NRG2: variants seen among roughly 807,000 people sequenced by gnomAD.
NRG2 encodes the protein neuregulin 2, also known as pro-neuregulin-2, membrane-bound isoform.
Under a neutral mutation model 73.9 loss-of-function variants are expected in NRG2, and 27 were observed. The ratio of observed to expected loss-of-function variants is 0.37; its 90% CI spans 0.27 to 0.50. NRG2 has a LOEUF of 0.50. Ranked by LOEUF, NRG2 falls within the 20% of genes least tolerant of loss-of-function variation. The probability of loss-of-function intolerance (pLI) is 0.96; values close to 1 mark genes in which losing one functional copy is unlikely to be tolerated. For synonymous variants in NRG2, 532 were observed against 541.0 expected, an observed-to-expected ratio of 0.98 and a Z score of 0.23; for missense variants, 1,126 against 1,210.1, an observed-to-expected ratio of 0.93 and a Z score of 1.03.
chr5:139,890,399 CAGTTA>C (rs1764130515), intron 1 of NRG2, among the ~76,000 whole-genome samples: 1 of 151,812 alleles, frequency 6.6e-6, no homozygotes, highest in South Asian at 2.1e-4. Context: ...TTTTTCCCCT[CAGTTA>C]CCTGCTTTTT....
chr5:140,035,111 C>T (rs1353994087), intron 1 of NRG2, among the ~76,000 whole-genome samples: 1 of 152,006 alleles, frequency 6.6e-6, no homozygotes, highest in Non-Finnish European at 1.5e-5. Context: ...TCCTCATTTT[C>T]ATTCCCCTTT....
chr5:139,971,809 C>T (rs889912108), intron 1 of NRG2, among the ~76,000 whole-genome samples: 1 of 152,090 alleles, frequency 6.6e-6, no homozygotes, highest in Non-Finnish European at 1.5e-5. Context: ...AAATGTAGTA[C>T]TTTACAACAT....
At chr5:139,921,788 G>A (rs575563693) in intron 1 of NRG2, among the ~76,000 whole-genome samples, 11 of 152,246 alleles carry the variant, frequency 7.2e-5, no homozygotes, top group East Asian at 5.8e-4. Flanking sequence ...TTGGCCAGGC[G>A]TGGTGGCTCA....
intron 6 of NRG2, among the ~76,000 whole-genome samples, chr5:139,855,449 C>G (rs1761744804): frequency 6.6e-6 from 1 of 152,228 alleles, no homozygotes; most frequent in Non-Finnish European, 1.5e-5. Flanking sequence ...CACAACCATT[C>G]TTCGTCAGTG....
intron 1 of NRG2, among the ~76,000 whole-genome samples, chr5:140,015,012 T>A (rs1580948599): frequency 6.6e-6 from 1 of 152,278 alleles, no homozygotes; most frequent in African/African-American, 2.4e-5. Context: ...TGCCTGAAAT[T>A]CCTTTCACCA....
chr5:139,985,033 A>G (rs1353209373), intron 1 of NRG2, among the ~76,000 whole-genome samples: 1 of 152,232 alleles, frequency 6.6e-6, no homozygotes, highest in African/African-American at 2.4e-5. Flanking sequence ...AGCAGACTTC[A>G]GAGTAGGGGA....
At chr5:139,881,567 C>T (rs963165553) in intron 2 of NRG2, among the ~76,000 whole-genome samples, 5 of 152,206 alleles carry the variant, frequency 3.3e-5, no homozygotes, top group African/African-American at 9.7e-5. Context: ...GTTTACTGAG[C>T]ACTTCCTGTG....
At chr5:139,935,686 G>A (rs753656260) in intron 1 of NRG2, among the ~76,000 whole-genome samples, 14 of 152,114 alleles carry the variant, frequency 9.2e-5, no homozygotes, top group Non-Finnish European at 2.1e-4. Context: ...AAGGCTGGGT[G>A]TGGTGGTTCA....
intron 3 of NRG2, 97 bp downstream of exon 3, chr5:139,880,759 G>T: frequency 1.2e-6 from 1 of 831,240 alleles, no homozygotes; most frequent in Non-Finnish European, 2.0e-6. Context: ...GGAGTTGAGT[G>T]CGAGATGGAT....
chr5:140,004,553 A>C (rs1248869687), intron 1 of NRG2, among the ~76,000 whole-genome samples: 3 of 152,230 alleles, frequency 2.0e-5, no homozygotes, highest in Non-Finnish European at 4.4e-5. Flanking sequence ...ATCTCACCAA[A>C]AAGGCATAAG....
At chr5:140,000,891 C>T (rs1357501899) in intron 1 of NRG2, among the ~76,000 whole-genome samples, 1 of 152,206 alleles carries the variant, frequency 6.6e-6, no homozygotes, top group African/African-American at 2.4e-5. Context: ...TCTTCAAAAA[C>T]GTCAGTGGCT....
chr5:139,976,866 C>T (rs1756416047), intron 1 of NRG2, among the ~76,000 whole-genome samples: 3 of 152,206 alleles, frequency 2.0e-5, no homozygotes, highest in Admixed American at 2.0e-4. Flanking sequence ...TGGTTAAGAG[C>T]ACTGCATGGG....
intron 1 of NRG2, among the ~76,000 whole-genome samples, chr5:139,916,418 C>A (rs1390676224): frequency 6.6e-6 from 1 of 152,216 alleles, no homozygotes; most frequent in Non-Finnish European, 1.5e-5. Context: ...ACATGCCATG[C>A]AAATGACCCA....
chr5:139,987,895 C>T (rs1050085755), intron 1 of NRG2, among the ~76,000 whole-genome samples: 9 of 151,912 alleles, frequency 5.9e-5, no homozygotes, highest in Non-Finnish European at 7.4e-5. Context: ...CTGCCTCAGC[C>T]TCCCGAGTAG....
chr5:140,043,202 GC>G lies in NRG2; in HGVS notation c.-134del. On this transcript the variant is annotated 5_prime_UTR_variant, in exon 1 of 10. Coordinates refer to ENST00000361474, the MANE Select transcript of NRG2 (RefSeq NM_004883.3). The surrounding 1 kb of genome is among the most constrained non-coding windows in gnomAD (Gnocchi z 6.7). ...CCTCCACCGGCAGCCCGGGGAGGTG[GC>G]CCAGCTAGGGCAGGGGGCAGGCGGC... 1 of 1,040,502 alleles carries G rather than the reference GC, an allele frequency of 9.6e-7. No homozygotes were observed. Among genetic ancestry groups the G allele is most frequent in the Non-Finnish European group, 1.3e-6 (1 of 748,782 alleles). 64.5% of individuals were successfully genotyped at this position (1,040,502 alleles called of 1,614,324 possible). A position where few individuals can be genotyped will look rare whatever the true frequency, so the allele number is the denominator to read the frequency against.
intron 1 of NRG2, among the ~76,000 whole-genome samples, chr5:139,960,835 C>A (rs1755003482): frequency 6.6e-6 from 1 of 152,254 alleles, no homozygotes; most frequent in South Asian, 2.1e-4. Flanking sequence ...GACAAGTTAA[C>A]CCCACCACCT....
At chr5:139,985,651 A>G (rs1757117348) in intron 1 of NRG2, among the ~76,000 whole-genome samples, 1 of 152,190 alleles carries the variant, frequency 6.6e-6, no homozygotes, top group Non-Finnish European at 1.5e-5. Context: ...TCATAATTCA[A>G]AGAGGTTTAC....
chr5:139,987,843 C>T (rs993041917), intron 1 of NRG2, among the ~76,000 whole-genome samples: 3 of 146,154 alleles, frequency 2.1e-5, no homozygotes, highest in Admixed American at 6.9e-5. Flanking sequence ...AGTGCGATCT[C>T]GGCTCACTGC....
At chr5:139,880,824 T>A in intron 3 of NRG2, 32 bp downstream of exon 3, 2 of 1,590,424 alleles carry the variant, frequency 1.3e-6, no homozygotes, top group Non-Finnish European at 1.7e-6. Flanking sequence ...CAAACCCCTC[T>A]AGGACCCTTC....
Sources: allele counts gnomAD v4.1 joint callset (sites outside exome capture counted in the v4.1 genomes callset), GRCh38; gene constraint gnomAD v4.1.1; non-coding constraint Gnocchi (gnomAD v3.1); transcripts MANE v1.5; gene names NCBI Gene and HGNC (gene_info 2026-07-23, HGNC 2026-07-21).